The following LGALS1 variants were observed in gnomAD, a reference collection of about 807,000 sequenced individuals.
LGALS1 encodes galectin 1.
LGALS1 carries 14 observed loss-of-function variants against 14.4 expected under a neutral mutation model. The observed-to-expected ratio is 0.97, with a 90% CI of 0.64 to 1.52. LGALS1 has a LOEUF of 1.52. LGALS1 is among the 40% of genes most tolerant of loss of function. LGALS1 has a pLI of 0.00. For synonymous variants in LGALS1, 71 were observed against 73.4 expected (o/e 0.97, Z 0.17); for missense variants, 170 against 181.4 (o/e 0.94, Z 0.36).
At chr22:37,675,768 G>A (rs2059433544) in intron 1 of LGALS1, 57 bp downstream of exon 1, 2 of 1,444,726 alleles carry the variant, frequency 1.4e-6, no homozygotes, top group Non-Finnish European at 1.8e-6. Flanking sequence ...CTGATGGCCA[G>A]AGGAGAGCTG....
At chr22:37,678,807 C>A (rs993129544) in intron 3 of LGALS1, among the ~76,000 whole-genome samples, 153 bp downstream of exon 3, 3 of 152,102 alleles carry the variant, frequency 2.0e-5, no homozygotes, top group African/African-American at 4.8e-5. Context: ...CCTCTTTGAA[C>A]CTCAGTGGTT....
At chr22:37,678,309 C>T in intron 2 of LGALS1, 174 bp from the exon 3 acceptor site, 2 of 743,792 alleles carry the variant, frequency 2.7e-6, no homozygotes, top group Non-Finnish European at 4.8e-6. Flanking sequence ...GATGAGCAAA[C>T]AGGGGAAGAG....
rs764670835 is a variant in LGALS1, at chr22:37,679,697, A to G, written c.356A>G (p.Asn119Ser). ...FPNRLNLEAI[N>S]YMAADGDFKI... ...AACCGCCTCAACCTGGAGGCCATCA[A>G]CTACATGGCAGCTGACGGTGACTTC... Residue 119 changes from asparagine to serine, a missense_variant, in exon 4 of 4, where the codon AAC becomes AGC. Physicochemically the swap from Asn to Ser is conservative, Grantham distance 46. Transcript: ENST00000215909. 5 of 1,610,144 alleles carry G rather than the reference A, an allele frequency of 3.1e-6. No individual in the cohort carries two copies. The South Asian group carries it at 4.4e-5, about 14-fold the overall frequency.
Position 37,677,078 on chromosome 22 carries a change from GT to G in LGALS1, c.89+14del, listed in dbSNP as rs754743204. On this transcript the variant is annotated intron_variant, in intron 2 of 3. Coordinates refer to ENST00000215909, the MANE Select transcript of LGALS1 (RefSeq NM_002305.4). ...CTGACGCTAAGAGGTGAGAAGTGAA[GT>G]CGGGGTGGTGGGCGGCAGGGACGGG... The G allele has an allele frequency of 1.2e-6, 2 of 1,613,366 alleles. No homozygotes were observed. The highest frequency in any genetic ancestry group is 8.5e-7 in the Non-Finnish European group (1 of 1,179,562).
At chr22:37,677,377 G>A in intron 2 of LGALS1, 3 of 364,152 alleles carry the variant, frequency 8.2e-6, no homozygotes, top group East Asian at 6.1e-5. Flanking sequence ...GGGAGGGCGG[G>A]GAGAGGAGTG....
chr22:37,676,722 T>C, intron 1 of LGALS1: 1 of 524,464 alleles, frequency 1.9e-6, no homozygotes, highest in Non-Finnish European at 3.5e-6. Flanking sequence ...CAAGCCAATC[T>C]GCAAAATCTT....
At chr22:37,677,371 G>A (rs1921471963) in intron 2 of LGALS1, 1 of 371,836 alleles carries the variant, frequency 2.7e-6, no homozygotes. Flanking sequence ...TCGCTGGGGA[G>A]GGCGGGGAGA....
intron 2 of LGALS1, among the ~76,000 whole-genome samples, chr22:37,678,029 C>T (rs1023010925): frequency 2.6e-5 from 4 of 152,118 alleles, no homozygotes; most frequent in East Asian, 3.9e-4. Context: ...ATGATCTGCC[C>T]GCTCGCCTCG....
intron 2 of LGALS1, 27 bp from the exon 3 acceptor site, chr22:37,678,456 G>T (rs1346115762): frequency 6.2e-7 from 1 of 1,612,874 alleles, no homozygotes; most frequent in Non-Finnish European, 8.5e-7. Context: ...GGCCGAGGTG[G>T]CCTCATGCCC....
intron 1 of LGALS1, among the ~76,000 whole-genome samples, chr22:37,676,442 A>G (rs1601601419): frequency 6.6e-6 from 1 of 152,336 alleles, no homozygotes; most frequent in East Asian, 1.9e-4. Context: ...CAGCCCAGCC[A>G]CAGCCCGACT....
intron 2 of LGALS1, chr22:37,678,244 G>T (rs1921505689): frequency 3.1e-6 from 2 of 650,952 alleles, no homozygotes; most frequent in Non-Finnish European, 5.8e-6. Flanking sequence ...AACGGGCTAG[G>T]ATGCTAATGA....
Position 37,678,557 on chromosome 22 carries a change from A to C in LGALS1, c.164A>C (p.Asp55Ala). The C allele has an allele frequency of 6.2e-7, 1 of 1,613,618 alleles. No homozygotes were observed. Among genetic ancestry groups the C allele is most frequent in the Non-Finnish European group, 8.5e-7 (1 of 1,180,030 alleles). ...AACCCTCGCTTCAACGCCCACGGCG[A>C]CGCCAACACCATCGTGTGCAACAGC... is the stretch of plus-strand genomic sequence containing the variant. ...HFNPRFNAHG[D>A]ANTIVCNSKD... The change falls in exon 3 of 4, where the codon GAC becomes GCC. Residue 55 changes from aspartate (D) to alanine (A), a missense_variant. By Grantham distance (126) the Asp-to-Ala change is moderately radical. Transcript: ENST00000215909.
In LGALS1 at chr22:37,678,589, G is replaced by T. The variant is rs146257010; in HGVS notation, c.196G>T (p.Gly66Cys). The part of the protein sequence containing the change: ...ANTIVCNSKD[G>C]GAWGTEQREA... The stretch of plus-strand genomic sequence containing the variant: ...CACCATCGTGTGCAACAGCAAGGAC[G>T]GCGGGGCCTGGGGGACCGAGCAGCG... The change falls in exon 3 of 4, where the codon GGC becomes TGC. Residue 66 changes from glycine to cysteine, a missense_variant. Coordinates refer to ENST00000215909, the MANE Select transcript of LGALS1 (RefSeq NM_002305.4). The T allele has an allele frequency of 6.2e-7, 1 of 1,613,446 alleles. No homozygotes were observed. Among genetic ancestry groups the T allele is most frequent in the African/African-American group, 1.3e-5 (1 of 75,054 alleles).
intron 2 of LGALS1, 52 bp downstream of exon 2, chr22:37,677,117 G>C: frequency 6.4e-7 from 1 of 1,571,334 alleles, no homozygotes; most frequent in African/African-American, 1.3e-5. Context: ...TGGTCCAGCA[G>C]GGAGGGCGTG....
chr22:37,677,200 G>T (rs1447944251), intron 2 of LGALS1, 135 bp downstream of exon 2: 1 of 843,506 alleles, frequency 1.2e-6, no homozygotes. Flanking sequence ...CGTTTTCTGG[G>T]TGACTCACTT....
chr22:37,675,667 G>T lies in LGALS1; in HGVS notation c.-36G>T. 3 of 1,547,838 alleles carry T rather than the reference G, an allele frequency of 1.9e-6. No individual in the cohort carries two copies. Among genetic ancestry groups the T allele is most frequent in the South Asian group, 2.4e-5 (2 of 83,698 alleles). ...CTCGGGTGGAGTCTTCTGACAGCTG[G>T]TGCGCCTGCCCGGGAACATCCTCCT... On this transcript the variant is annotated 5_prime_UTR_variant, in exon 1 of 4. Transcript: ENST00000215909.
At chr22:37,677,887 C>T (rs1283483734) in intron 2 of LGALS1, among the ~76,000 whole-genome samples, 2 of 152,062 alleles carry the variant, frequency 1.3e-5, no homozygotes, top group Non-Finnish European at 2.9e-5. Context: ...CGGGTTCAAA[C>T]GATTCTCCGG....
intron 3 of LGALS1, 97 bp downstream of exon 3, chr22:37,678,751 T>TAA: frequency 8.0e-7 from 1 of 1,253,464 alleles, no homozygotes; most frequent in African/African-American, 1.5e-5. Flanking sequence ...TGCCTGCTCT[T>TAA]TCCCCTCCCC....
At chr22:37,677,742 A>G (rs1921484726) in intron 2 of LGALS1, 1 of 151,522 alleles carries the variant, frequency 6.6e-6, no homozygotes, top group African/African-American at 2.4e-5. Flanking sequence ...ACCACTCAAC[A>G]AATGTATTTA....
Sources: gnomAD v4.1 joint callset for allele counts (sites outside exome capture counted in the v4.1 genomes callset) on GRCh38, gnomAD v4.1.1 for gene constraint, MANE v1.5 for transcripts, NCBI Gene and HGNC (gene_info 2026-07-23, HGNC 2026-07-21) for gene names.